Variants in IKZF1 observed in about 807,000 individuals in gnomAD.
The protein encoded by IKZF1 is DNA-binding protein Ikaros.
IKZF1 carries 10 observed loss-of-function variants against 51.7 expected under a neutral mutation model. That is an observed-to-expected ratio of 0.19 (90% CI 0.12 to 0.33). The LOEUF is 0.33. Among genes scored for constraint, IKZF1 ranks in the 10% least tolerant of loss-of-function variants. IKZF1 has a pLI of 1.00. For missense variants in IKZF1, 484 were observed against 707.5 expected (o/e 0.68, Z 3.58); for synonymous variants, 280 against 282.3 (o/e 0.99, Z 0.08).
intron 1 of IKZF1, among the ~76,000 whole-genome samples, chr7:50,316,832 C>A (rs1171479244): frequency 6.6e-6 from 1 of 152,188 alleles, no homozygotes; most frequent in Non-Finnish European, 1.5e-5. Flanking sequence ...GTTGGAAGAG[C>A]CTTGACTTTG....
chr7:50,378,401 A>G (rs1210763523), intron 4 of IKZF1, among the ~76,000 whole-genome samples: 1 of 152,228 alleles, frequency 6.6e-6, no homozygotes, highest in Non-Finnish European at 1.5e-5. Flanking sequence ...GTGGAAATTA[A>G]CATGAAGGTA....
At chr7:50,332,364 A>T (rs1208516207) in intron 3 of IKZF1, among the ~76,000 whole-genome samples, 3 of 152,186 alleles carry the variant, frequency 2.0e-5, no homozygotes, top group Middle Eastern at 3.4e-3. Flanking sequence ...CCGTGTCCTA[A>T]ATTAACCAAG....
chr7:50,303,742 C>T (rs1048530210), upstream of IKZF1, among the ~76,000 whole-genome samples: 2 of 151,868 alleles, frequency 1.3e-5, no homozygotes, highest in Non-Finnish European at 2.9e-5. The surrounding 1 kb of genome is among the most constrained non-coding windows in gnomAD (Gnocchi z 4.7). Context: ...TTACGATGTC[C>T]CGAGTCCCTC....
chr7:50,379,828 T>C (rs868636456), intron 4 of IKZF1, among the ~76,000 whole-genome samples: 11 of 152,306 alleles, frequency 7.2e-5, no homozygotes, highest in Middle Eastern at 3.4e-3. Context: ...TTCTATGACA[T>C]AGTATCCATG....
chr7:50,305,495 C>T (rs1358964695), intron 1 of IKZF1, among the ~76,000 whole-genome samples: 1 of 152,212 alleles, frequency 6.6e-6, no homozygotes. Flanking sequence ...TCAAGCATCG[C>T]TGCTGATGCC....
intron 7 of IKZF1, 84 bp from the exon 8 acceptor site, chr7:50,399,834 G>A (rs1244208721): frequency 2.0e-6 from 3 of 1,510,054 alleles, no homozygotes; most frequent in Middle Eastern, 3.6e-4. Flanking sequence ...TCCCCTCCCC[G>A]GTTGTAGATT....
At chr7:50,363,253 G>A (rs1584788883) in intron 3 of IKZF1, among the ~76,000 whole-genome samples, 2 of 152,300 alleles carry the variant, frequency 1.3e-5, no homozygotes, top group East Asian at 3.9e-4. Context: ...AGGGCCCTGG[G>A]CATATTTCCA....
At chr7:50,306,269 A>C (rs535730273) in intron 1 of IKZF1, among the ~76,000 whole-genome samples, 1 of 152,330 alleles carries the variant, frequency 6.6e-6, no homozygotes, top group South Asian at 2.1e-4. Flanking sequence ...CTGATTTCCA[A>C]TTTCACCATG....
chr7:50,379,381 C>G (rs1196099647), intron 4 of IKZF1, among the ~76,000 whole-genome samples: 1 of 152,250 alleles, frequency 6.6e-6, no homozygotes, highest in Non-Finnish European at 1.5e-5. Flanking sequence ...GCGGTCTCGC[C>G]TCTGCCCATA....
chr7:50,312,472 C>T (rs929768291), intron 1 of IKZF1, among the ~76,000 whole-genome samples: 1 of 152,194 alleles, frequency 6.6e-6, no homozygotes, highest in African/African-American at 2.4e-5. Context: ...CAGCAACAAA[C>T]GTGAACACAG....
chr7:50,319,008 A>T, intron 1 of IKZF1, 40 bp from the exon 2 acceptor site: 1 of 1,283,974 alleles, frequency 7.8e-7, no homozygotes, highest in South Asian at 1.2e-5. Flanking sequence ...TCTTATTAGT[A>T]TTTTTGCTTT....
intron 3 of IKZF1, chr7:50,368,283 AGT>A: frequency 1.4e-6 from 1 of 703,334 alleles, no homozygotes; most frequent in Non-Finnish European, 2.6e-6. Flanking sequence ...ATGGCAGTGG[AGT>A]AACAGTAAGG....
chr7:50,336,830 T>C (rs947899617), intron 3 of IKZF1, among the ~76,000 whole-genome samples: 2 of 152,110 alleles, frequency 1.3e-5, no homozygotes, highest in South Asian at 2.1e-4. Flanking sequence ...ATGTAAGTCA[T>C]AGGGCAAGTT....
chr7:50,384,907 T>TG (rs1452926044), intron 5 of IKZF1, among the ~76,000 whole-genome samples: 2 of 152,240 alleles, frequency 1.3e-5, no homozygotes, highest in African/African-American at 2.4e-5. Context: ...TTACTCTGAT[T>TG]GCAATGGAAT....
chr7:50,375,227 C>T (rs556774538), intron 3 of IKZF1, among the ~76,000 whole-genome samples: 4 of 152,092 alleles, frequency 2.6e-5, no homozygotes, highest in Non-Finnish European at 5.9e-5. Context: ...TCGAGAGCAG[C>T]CTGGTCAACA....
intron 6 of IKZF1, among the ~76,000 whole-genome samples, chr7:50,391,379 T>A (rs757106869): frequency 4.6e-5 from 7 of 152,196 alleles, no homozygotes; most frequent in Non-Finnish European, 8.8e-5. Flanking sequence ...CTGACTGAGG[T>A]AGCAGATTTG....
chr7:50,348,216 T>G (rs1183416802), intron 3 of IKZF1, among the ~76,000 whole-genome samples: 1 of 152,250 alleles, frequency 6.6e-6, no homozygotes, highest in African/African-American at 2.4e-5. Context: ...TGAAAGAAAT[T>G]CATTTTTTAA....
At chr7:50,370,242 C>T (rs1808255482) in intron 3 of IKZF1, among the ~76,000 whole-genome samples, 1 of 152,176 alleles carries the variant, frequency 6.6e-6, no homozygotes, top group African/African-American at 2.4e-5. Context: ...GAGTACCAAA[C>T]ATTTACTTTT....
chr7:50,313,044 T>G (rs1790575625), intron 1 of IKZF1, among the ~76,000 whole-genome samples: 1 of 152,262 alleles, frequency 6.6e-6, no homozygotes, highest in Admixed American at 6.5e-5. Flanking sequence ...ACCTGTTTTG[T>G]CAAATTGTTA....
Sources: gnomAD v4.1 joint callset for allele counts (sites outside exome capture counted in the v4.1 genomes callset) on GRCh38, gnomAD v4.1.1 for gene constraint, Gnocchi (gnomAD v3.1) non-coding constraint, MANE v1.5 for transcripts, NCBI Gene and HGNC (gene_info 2026-07-23, HGNC 2026-07-21) for gene names.